Variants in STXBP5L observed in about 807,000 individuals in gnomAD.
The protein encoded by STXBP5L is syntaxin binding protein 5L, also known as syntaxin-binding protein 5-like.
Under a neutral mutation model 144.5 loss-of-function variants are expected in STXBP5L, and 65 were observed. That is an observed-to-expected ratio of 0.45 (90% CI 0.37 to 0.55). The LOEUF (loss-of-function observed/expected upper bound fraction) is 0.55, where lower values mean the gene tolerates loss of function less well. Ranked by LOEUF, STXBP5L falls within the 20% of genes least tolerant of loss-of-function variation. The pLI, the probability that STXBP5L is intolerant of heterozygous loss-of-function variation, is 0.00. For synonymous variants in STXBP5L, 505 were observed against 469.6 expected (o/e 1.08, Z -0.97); for missense variants, 1,298 against 1,405.5 (o/e 0.92, Z 1.22).
chr3:121,114,985 A>G lies in STXBP5L; in HGVS notation c.531A>G (p.Gly177=), dbSNP rs745571921. Residue 177 remains glycine (G), a synonymous_variant, in exon 6 of 27, where the codon GGA becomes GGG. Transcript: ENST00000471454. ...GGCTTTATGTTGGAACAGAAAGAGG[A>G]AATACACATATTGTAAATATTGAAT... ...SKWLYVGTER[G]NTHIVNIESF... 15 of 1,602,306 alleles carry G rather than the reference A, an allele frequency of 9.4e-6. No individual in the cohort carries two copies. The South Asian group carries it at 1.7e-4, about 18-fold the overall frequency.
At chr3:120,977,336 A>T (rs2107838722) in intron 3 of STXBP5L, among the ~76,000 whole-genome samples, 1 of 152,110 alleles carries the variant, frequency 6.6e-6, no homozygotes, top group East Asian at 1.9e-4. Context: ...TGTTGGTTTA[A>T]AGTCTGTTTT....
At chr3:121,020,360 G>A (rs769806075) in intron 3 of STXBP5L, among the ~76,000 whole-genome samples, 15 of 152,120 alleles carry the variant, frequency 9.9e-5, no homozygotes, top group Non-Finnish European at 1.3e-4. Flanking sequence ...TCAAGGAAAA[G>A]TTCCCCAGCC....
intron 9 of STXBP5L, among the ~76,000 whole-genome samples, chr3:121,171,593 T>G (rs2046720588): frequency 6.6e-6 from 1 of 152,104 alleles, no homozygotes; most frequent in Non-Finnish European, 1.5e-5. Flanking sequence ...TGAACTCTCA[T>G]TCACAACTGC....
At chr3:121,048,048 A>G (rs1443730345) in intron 5 of STXBP5L, among the ~76,000 whole-genome samples, 2 of 152,200 alleles carry the variant, frequency 1.3e-5, no homozygotes, top group Admixed American at 6.5e-5. Flanking sequence ...TCTGGTGGTC[A>G]TAAATTCCCT....
At chr3:121,002,797 C>T (rs370437500) in intron 3 of STXBP5L, among the ~76,000 whole-genome samples, 1 of 143,470 alleles carries the variant, frequency 7.0e-6, no homozygotes, top group Admixed American at 7.5e-5. Context: ...TGAGTGAGAA[C>T]ATGCGGTGTT....
At chr3:121,178,913 A>G (rs779047780) in intron 9 of STXBP5L, among the ~76,000 whole-genome samples, 14 of 152,180 alleles carry the variant, frequency 9.2e-5, no homozygotes, top group Non-Finnish European at 1.6e-4. Context: ...CTTCCAGCAG[A>G]ATCTTGTTTT....
chr3:121,126,399 AC>A (rs2107872694), intron 7 of STXBP5L, among the ~76,000 whole-genome samples: 1 of 152,220 alleles, frequency 6.6e-6, no homozygotes, highest in Non-Finnish European at 1.5e-5. Flanking sequence ...TAGTCTGTAA[AC>A]CCTCAGTATT....
intron 18 of STXBP5L, among the ~76,000 whole-genome samples, 154 bp from the exon 19 acceptor site, chr3:121,279,651 T>C (rs1235488644): frequency 1.3e-5 from 2 of 151,932 alleles, no homozygotes; most frequent in Admixed American, 6.6e-5. Context: ...TTATCCATCA[T>C]AAAGGCAAGG....
In STXBP5L at chr3:121,407,319, A is replaced by G; in HGVS notation, c.2664A>G (p.Pro888=). ...GAATGGGTGGATTAATGCAACCGCC[A>G]TATGAAGTTTGGAGGGATCCAAACA... ...MDRMGGLMQP[P]YEVWRDPNNI... Residue 888 remains proline (P), a synonymous_variant, in exon 23 of 27, where the codon CCA becomes CCG. Coordinates refer to ENST00000471454, the MANE Select transcript of STXBP5L (RefSeq NM_001308330.2). 1.2e-6 allele frequency: 2 copies of G among 1,612,540 alleles called. No individual in the cohort carries two copies. The highest frequency in any genetic ancestry group is 8.5e-7 in the Non-Finnish European group (1 of 1,179,148).
chr3:121,381,509 A>T lies in STXBP5L; in HGVS notation c.2564A>T (p.Glu855Val). 1 of 1,593,886 alleles carries T rather than the reference A, an allele frequency of 6.3e-7. No individual in the cohort carries two copies. Among genetic ancestry groups the T allele is most frequent in the Non-Finnish European group, 8.5e-7 (1 of 1,174,488 alleles). ...TTAGCAGATGAACAAAGGTTTACAG[A>T]GCCAGTCATGGTATTGCCAAGTGGT... is the stretch of plus-strand genomic sequence containing the variant. ...LPLADEQRFT[E>V]PVMVLPSGTF... Residue 855 changes from glutamate to valine, a missense_variant, in exon 22 of 27, where the codon GAG becomes GTG. By Grantham distance (121) the Glu-to-Val change is moderately radical. Coordinates refer to ENST00000471454, the MANE Select transcript of STXBP5L (RefSeq NM_001308330.2).
Position 121,157,598 on chromosome 3 carries a change from G to C in STXBP5L, c.848G>C (p.Ser283Thr), listed in dbSNP as rs760742885. ...ACTTTATGGAACCTGAAAAGCCCAA[G>C]TCGCCCTTTCCAGACCACAATTCCA... is the stretch of plus-strand genomic sequence containing the variant. ...SLTLWNLKSPSRPFQTTIPHG... is the reference protein window; with the variant it reads ...SLTLWNLKSPTRPFQTTIPHG... Residue 283 changes from serine (S) to threonine (T), a missense_variant, in exon 9 of 27, where the codon AGT becomes ACT. By Grantham distance (58) the Ser-to-Thr change is moderately conservative (BLOSUM62 1). Transcript: ENST00000471454. The C allele has an allele frequency of 6.2e-7, 1 of 1,604,064 alleles. No homozygotes were observed. Among genetic ancestry groups the C allele is most frequent in the East Asian group, 2.3e-5 (1 of 44,058 alleles).
intron 23 of STXBP5L, among the ~76,000 whole-genome samples, chr3:121,409,000 A>G (rs574012503): frequency 7.2e-5 from 11 of 152,070 alleles, no homozygotes; most frequent in African/African-American, 2.6e-4. Context: ...TAATAAATTG[A>G]GAATAAATAT....
intron 3 of STXBP5L, among the ~76,000 whole-genome samples, chr3:121,005,810 C>A (rs998665836): frequency 2.0e-5 from 3 of 152,114 alleles, no homozygotes; most frequent in African/African-American, 7.2e-5. Flanking sequence ...TCGTCATGTA[C>A]CCAGTAGTCA....
chr3:120,978,362 C>T (rs1277073396), intron 3 of STXBP5L, among the ~76,000 whole-genome samples: 1 of 152,232 alleles, frequency 6.6e-6, no homozygotes, highest in Non-Finnish European at 1.5e-5. Flanking sequence ...CTGCATTCTT[C>T]ACGTAGTTCT....
At chr3:121,064,762 G>A (rs2041460677) in intron 5 of STXBP5L, among the ~76,000 whole-genome samples, 1 of 152,128 alleles carries the variant, frequency 6.6e-6, no homozygotes, top group South Asian at 2.1e-4. Context: ...TAGACAGAGA[G>A]GATGCATGGG....
chr3:121,130,557 G>A (rs1001259621), intron 7 of STXBP5L, among the ~76,000 whole-genome samples: 1 of 152,124 alleles, frequency 6.6e-6, no homozygotes, highest in Admixed American at 6.6e-5. Flanking sequence ...GAGGAGGAAA[G>A]AAGTTATGCC....
At chr3:121,003,695 G>T (rs1490771725) in intron 3 of STXBP5L, among the ~76,000 whole-genome samples, 5 of 152,060 alleles carry the variant, frequency 3.3e-5, no homozygotes, top group Non-Finnish European at 5.9e-5. Flanking sequence ...GGTCTAACAT[G>T]TGAGTCTTTA....
At chr3:121,116,630 A>G (rs1388273630) in intron 6 of STXBP5L, among the ~76,000 whole-genome samples, 1 of 152,050 alleles carries the variant, frequency 6.6e-6, no homozygotes, top group Non-Finnish European at 1.5e-5. Context: ...ACTTTCATTT[A>G]TGTTTTCAAG....
intron 2 of STXBP5L, chr3:120,924,566 A>C (rs1709513162): frequency 6.6e-6 from 1 of 152,546 alleles, no homozygotes; most frequent in African/African-American, 2.4e-5. Context: ...TCATATTATC[A>C]GGTCCATTTT....
Sources: gnomAD v4.1 joint callset for allele counts (sites outside exome capture counted in the v4.1 genomes callset) on GRCh38, gnomAD v4.1.1 for gene constraint, MANE v1.5 for transcripts, NCBI Gene and HGNC (gene_info 2026-07-23, HGNC 2026-07-21) for gene names.